Variants in SGSM3 observed in about 807,000 individuals in gnomAD.
SGSM3 encodes small G protein signaling modulator 3.
A neutral mutation model predicts 100.5 loss-of-function variants in SGSM3; 96 were observed. The observed-to-expected ratio is 0.96, with a 90% CI of 0.81 to 1.13. The LOEUF (loss-of-function observed/expected upper bound fraction) is 1.13. SGSM3 is among the 50% of genes most tolerant of loss of function. The pLI, the probability that SGSM3 is intolerant of heterozygous loss-of-function variation, is 0.00. For synonymous variants in SGSM3, 483 were observed against 422.8 expected (o/e 1.14, Z -1.75); for missense variants, 1,001 against 1,015.8 (o/e 0.99, Z 0.20).
chr22:40,407,492 G>T lies in SGSM3; in HGVS notation c.1448G>T (p.Arg483Leu). Residue 483 changes from arginine to leucine, a missense_variant, in exon 13 of 22, where the codon CGC becomes CTC. Arg to Leu is a moderately radical substitution (Grantham distance 102, BLOSUM62 -2). Coordinates refer to ENST00000248929, the MANE Select transcript of SGSM3 (RefSeq NM_015705.6). This position sits in a 1 kb window ranked among gnomAD's most constrained non-coding sequence, Gnocchi z 4.7. ...GTGGCGTGCTCACGCAGCCACCGGCGCCGAGCCAAGGCCCTGCTGGACTTT... is the reference window on the plus strand; with the variant it reads ...GTGGCGTGCTCACGCAGCCACCGGCTCCGAGCCAAGGCCCTGCTGGACTTT... ...NYVACSRSHR[R>L]RAKALLDFER... is the part of the protein sequence containing the mutation. The T allele has an allele frequency of 6.2e-7, 1 of 1,611,032 alleles. No homozygotes were observed.
intron 1 of SGSM3, among the ~76,000 whole-genome samples, chr22:40,394,109 C>G (rs544435707): frequency 4.0e-4 from 61 of 152,318 alleles, no homozygotes; most frequent in African/African-American, 1.4e-3. Context: ...TCTGCATTCC[C>G]TCCTTGGCAA....
At position 40,406,106 on chromosome 22, in the gene SGSM3, C is replaced by G; in HGVS notation, c.843C>G (p.Phe281Leu). 1 of 1,614,098 alleles carries G rather than the reference C, an allele frequency of 6.2e-7. No homozygotes were observed. The highest frequency in any genetic ancestry group is 8.5e-7 in the Non-Finnish European group (1 of 1,180,020). The change falls in exon 9 of 22, where the codon TTC becomes TTG. Residue 281 changes from phenylalanine to leucine, a missense_variant. Coordinates refer to ENST00000248929, the MANE Select transcript of SGSM3 (RefSeq NM_015705.6). ...IELSLITLHW[F>L]LTAFASVVDI... Reference sequence around the variant, plus strand: ...TGTCCCTGATCACACTGCACTGGTTCCTCACGGCCTTCGCCAGCGTGGTGG... The same window carrying G: ...TGTCCCTGATCACACTGCACTGGTTGCTCACGGCCTTCGCCAGCGTGGTGG...
In SGSM3 at chr22:40,406,411, C is replaced by G. The variant is rs1268900880; in HGVS notation, c.961-27C>G. On this transcript the variant is annotated intron_variant, in intron 9 of 21. Coordinates refer to ENST00000248929, the MANE Select transcript of SGSM3 (RefSeq NM_015705.6). Reference sequence around the variant, plus strand: ...ACGTCCCTGCAATGACAACCTTCTTCCCCCATCCTGCCCTGGCATGGCCCA... The same window carrying G: ...ACGTCCCTGCAATGACAACCTTCTTGCCCCATCCTGCCCTGGCATGGCCCA... The G allele has an allele frequency of 5.2e-6, 8 of 1,538,522 alleles. No homozygotes were observed. The Middle Eastern group carries it at 8.5e-4, about 163-fold the overall frequency.
chr22:40,397,428 C>T (rs991143126), intron 1 of SGSM3, among the ~76,000 whole-genome samples: 6 of 151,982 alleles, frequency 3.9e-5, no homozygotes, highest in African/African-American at 1.2e-4. Flanking sequence ...TAAAATATAT[C>T]CATAATCTGA....
chr22:40,400,315 T>C (rs1602009040), intron 1 of SGSM3, among the ~76,000 whole-genome samples: 1 of 152,142 alleles, frequency 6.6e-6, no homozygotes, highest in Admixed American at 6.5e-5. Flanking sequence ...TTTCGTAGAG[T>C]GAGAGCCTTT....
chr22:40,409,408 G>A (rs773410621), intron 20 of SGSM3, 36 bp downstream of exon 20: 9 of 1,576,062 alleles, frequency 5.7e-6, no homozygotes, highest in South Asian at 3.5e-5. Context: ...ATGGAGGTGG[G>A]GTGGGAAGGG....
chr22:40,403,591 AC>A (rs2051035540), intron 4 of SGSM3, among the ~76,000 whole-genome samples: 2 of 152,190 alleles, frequency 1.3e-5, no homozygotes, highest in South Asian at 4.1e-4. Flanking sequence ...GCCCTTTCAG[AC>A]CATGTCATTG....
At chr22:40,374,369 G>A (rs986140579) in intron 1 of SGSM3, among the ~76,000 whole-genome samples, 3 of 152,350 alleles carry the variant, frequency 2.0e-5, no homozygotes, top group Admixed American at 6.5e-5. Context: ...TCAAGACTGC[G>A]TGCTTAGGTA....
At chr22:40,404,733 C>A in intron 6 of SGSM3, 69 bp downstream of exon 6, 1 of 1,138,140 alleles carries the variant, frequency 8.8e-7, no homozygotes, top group South Asian at 1.3e-5. Context: ...GGGAGCCTGC[C>A]TGGGGTTCTT....
At chr22:40,408,249 G>T (rs765788322) in intron 15 of SGSM3, 28 bp from the exon 16 acceptor site, 1 of 1,611,528 alleles carries the variant, frequency 6.2e-7, no homozygotes, top group East Asian at 2.2e-5. Flanking sequence ...GTCAGGCAGG[G>T]CTTTCTCAGA....
intron 9 of SGSM3, 95 bp downstream of exon 9, chr22:40,406,318 CT>C (rs1033792595): frequency 6.5e-7 from 1 of 1,549,942 alleles, no homozygotes; most frequent in African/African-American, 1.4e-5. Context: ...GACCAGCCCC[CT>C]GGCCCCTGAC....
intron 1 of SGSM3, among the ~76,000 whole-genome samples, chr22:40,384,177 A>G (rs2048048533): frequency 1.3e-5 from 2 of 151,940 alleles, no homozygotes; most frequent in African/African-American, 4.8e-5. Flanking sequence ...CTGGGAAGTC[A>G]AGGCTGCAGT....
rs147121217 is a variant in SGSM3 at position 40,408,975 on chromosome 22, C to G, written c.1945C>G (p.Gln649Glu). The change falls in exon 19 of 22, where the codon CAA becomes GAA. Residue 649 changes from glutamine to glutamate, a missense_variant. By Grantham distance (29) the Gln-to-Glu change is conservative. Transcript: ENST00000248929. ...CGTGACCCACGATGCAGTGCATGCA[C>G]AAATGGATGTGAAGCTCCGCTCACT... ...VNVTHDAVHA[Q>E]MDVKLRSLIC... The G allele has an allele frequency of 1.8e-5, 29 of 1,596,006 alleles. No individual in the cohort carries two copies. In the African/African-American group the frequency reaches 3.6e-4, roughly 20 times the overall value.
In SGSM3 at chr22:40,410,161, A is replaced by AGGTTCTGCCCTTCC; in HGVS notation, c.*403_*416dup. On this transcript the variant is annotated 3_prime_UTR_variant, in exon 22 of 22. Coordinates refer to ENST00000248929, the MANE Select transcript of SGSM3 (RefSeq NM_015705.6). Reference sequence around the variant, plus strand: ...GGCTGCAGAGCTGTATTCAGGTCCAAGGTTCTGCCCTTCCTTGAGTGGTCT... The same window carrying AGGTTCTGCCCTTCC: ...GGCTGCAGAGCTGTATTCAGGTCCAAGGTTCTGCCCTTCCGGTTCTGCCCTTCCTTGAGTGGTCT... 1.8e-6 allele frequency: 2 copies of AGGTTCTGCCCTTCC among 1,095,410 alleles called. No individual in the cohort carries two copies. The highest frequency in any genetic ancestry group is 2.2e-6 in the Non-Finnish European group (2 of 900,864). The allele number at this position is 1,095,410 out of a possible 1,614,324, so 67.9% of individuals were successfully genotyped here. A position where few individuals can be genotyped will look rare whatever the true frequency, so the allele number is the denominator to read the frequency against.
At chr22:40,399,529 A>C (rs143732423) in intron 1 of SGSM3, among the ~76,000 whole-genome samples, 244 of 152,334 alleles carry the variant, frequency 1.6e-3, no homozygotes, top group Non-Finnish European at 2.6e-3. Flanking sequence ...TTTGGAAACT[A>C]TCAGTCTCTC....
At position 40,402,216 on chromosome 22, in the gene SGSM3, G is replaced by A; in HGVS notation, c.157+11G>A. On this transcript the variant is annotated intron_variant, in intron 4 of 21. Coordinates refer to ENST00000248929, the MANE Select transcript of SGSM3 (RefSeq NM_015705.6). ...GTGTGTACAAGGAAGGTAAACTTGA[G>A]CCCCTTTTGTGTGTCATCTTGCTGA... The A allele has an allele frequency of 1.2e-6, 2 of 1,609,198 alleles. No individual in the cohort carries two copies. Among genetic ancestry groups the A allele is most frequent in the Middle Eastern group, 1.7e-4 (1 of 6,054 alleles).
intron 2 of SGSM3, 91 bp downstream of exon 2, chr22:40,400,904 C>T (rs553279061): frequency 2.4e-6 from 3 of 1,271,186 alleles, no homozygotes; most frequent in Admixed American, 3.0e-5. Flanking sequence ...CATAAAACAC[C>T]ATCCAGATAA....
chr22:40,402,396 T>G (rs2050869031), intron 4 of SGSM3, among the ~76,000 whole-genome samples, 191 bp downstream of exon 4: 2 of 152,190 alleles, frequency 1.3e-5, no homozygotes, highest in African/African-American at 4.8e-5. Flanking sequence ...GAGATAAATT[T>G]TACTGATCCT....
rs754848334 is a variant in SGSM3, at chr22:40,406,562, C to T, written c.1085C>T (p.Thr362Ile). Reference protein sequence around the residue: ...GVAMRLAGSLTDVAVETQRRK... With the variant: ...GVAMRLAGSLIDVAVETQRRK... ...GCCATGCGGCTGGCCGGCTCCCTCACCGATGTGGCCGTGGAGACTCAGCGC... is the reference window on the plus strand; with the variant it reads ...GCCATGCGGCTGGCCGGCTCCCTCATCGATGTGGCCGTGGAGACTCAGCGC... The change falls in exon 10 of 22, where the codon ACC (threonine) becomes ATC (isoleucine). Residue 362 changes from threonine (T) to isoleucine (I), a missense_variant. Thr to Ile is a moderately conservative substitution (Grantham distance 89, BLOSUM62 -1). Coordinates refer to ENST00000248929, the MANE Select transcript of SGSM3 (RefSeq NM_015705.6). 6.2e-7 allele frequency: 1 copy of T among 1,613,066 alleles called. No individual in the cohort carries two copies. Among genetic ancestry groups the T allele is most frequent in the Non-Finnish European group, 8.5e-7 (1 of 1,179,902 alleles).
Sources: gnomAD v4.1 joint callset for allele counts (sites outside exome capture counted in the v4.1 genomes callset) on GRCh38, gnomAD v4.1.1 for gene constraint, Gnocchi (gnomAD v3.1) non-coding constraint, MANE v1.5 for transcripts, NCBI Gene and HGNC (gene_info 2026-07-23, HGNC 2026-07-21) for gene names.